The following XPC variants were observed in gnomAD, a reference collection of about 807,000 sequenced individuals.
The protein encoded by XPC is XPC complex subunit, DNA damage recognition and repair factor.
A neutral mutation model predicts 95.8 loss-of-function variants in XPC; 76 were observed. That is an observed-to-expected ratio of 0.79 (90% CI 0.66 to 0.96). The LOEUF (loss-of-function observed/expected upper bound fraction) is 0.96, where lower values mean the gene tolerates loss of function less well. Among genes scored for constraint, XPC ranks in the 40% least tolerant of loss-of-function variants. XPC has a pLI of 0.00. For missense variants in XPC, 1,146 were observed against 1,179.8 expected (o/e 0.97, Z 0.42); for synonymous variants, 442 against 442.1 (o/e 1.00, Z 0.00).
At chr3:14,170,862 T>C (rs1446921047) in intron 2 of XPC, among the ~76,000 whole-genome samples, 1 of 152,152 alleles carries the variant, frequency 6.6e-6, no homozygotes, top group Non-Finnish European at 1.5e-5. Context: ...AAAATAATAA[T>C]GAGTTCCAGA....
chr3:14,176,523 A>G (rs1328562418), intron 1 of XPC, among the ~76,000 whole-genome samples: 3 of 152,090 alleles, frequency 2.0e-5, no homozygotes, highest in Admixed American at 6.5e-5. Context: ...TTTATCTCTC[A>G]TGTCACCTCA....
rs543834854 is a variant in XPC at position 14,173,091 on chromosome 3, G to A, written c.104-29C>T. On this transcript the variant is annotated intron_variant, in intron 1 of 15. Coordinates refer to ENST00000285021, the MANE Select transcript of XPC (RefSeq NM_004628.5). ...GGTGACAACACAGAACATAAGGTGAGGGGTGGAAGGAAAGGTGGAGGCAGT... is the reference window on the plus strand; with the variant it reads ...GGTGACAACACAGAACATAAGGTGAAGGGTGGAAGGAAAGGTGGAGGCAGT... The A allele has an allele frequency of 3.9e-5, 58 of 1,501,644 alleles. No individual in the cohort carries two copies. In the Admixed American group the frequency reaches 1.2e-3, roughly 32 times the overall value. 93.0% of individuals were successfully genotyped at this position (1,501,644 alleles called of 1,614,324 possible).
At chr3:14,154,528 G>A (rs1051602429) in intron 10 of XPC, among the ~76,000 whole-genome samples, 1 of 152,134 alleles carries the variant, frequency 6.6e-6, no homozygotes, top group Non-Finnish European at 1.5e-5. Flanking sequence ...TATGCTAAGT[G>A]AAATAAGCCA....
At position 14,168,461 on chromosome 3, in the gene XPC, C is replaced by A; in HGVS notation, c.413-81G>T. On this transcript the variant is annotated intron_variant, in intron 3 of 15. Coordinates refer to ENST00000285021, the MANE Select transcript of XPC (RefSeq NM_004628.5). ...TGTACTGAACAGAATCAAGGTTCTG[C>A]TGGGAAGGAGGAAGTGAGGCATGAA... The A allele has an allele frequency of 1.9e-6, 3 of 1,553,586 alleles. No individual in the cohort carries two copies. The South Asian group carries it at 3.5e-5, about 18-fold the overall frequency.
At position 14,146,076 on chromosome 3, in the gene XPC, C is replaced by A; in HGVS notation, c.2688G>T (p.Ala896=). 3 of 1,612,446 alleles carry A rather than the reference C, an allele frequency of 1.9e-6. No individual in the cohort carries two copies. Among genetic ancestry groups the A allele is most frequent in the Non-Finnish European group, 2.5e-6 (3 of 1,179,480 alleles). The part of the protein sequence containing the change: ...EEEGTSSQAE[A]ARILAASWPQ... Reference sequence around the variant, plus strand: ...GCCAGGAGGCAGCCAGTATCCTGGCCGCTTCTGCTTGAGAGCTGGTCCCCT... The same window carrying A: ...GCCAGGAGGCAGCCAGTATCCTGGCAGCTTCTGCTTGAGAGCTGGTCCCCT... The change falls in exon 16 of 16, where the codon GCG becomes GCT. Residue 896 remains alanine, a synonymous_variant. Transcript: ENST00000285021.
At chr3:14,146,200 A>C in intron 15 of XPC, 41 bp from the exon 16 acceptor site, 1 of 1,542,308 alleles carries the variant, frequency 6.5e-7, no homozygotes, top group Non-Finnish European at 8.8e-7. Flanking sequence ...GGCGAGGGTT[A>C]GTAATCAGAT....
At chr3:14,149,603 G>C (rs1272219631) in intron 11 of XPC, 1 of 152,064 alleles carries the variant, frequency 6.6e-6, no homozygotes, top group Non-Finnish European at 1.5e-5. Context: ...GGGACTACAG[G>C]TACCCGCCAC....
Position 14,165,409 on chromosome 3 carries a change from G to T in XPC, c.779+19C>A. 6.4e-7 allele frequency: 1 copy of T among 1,570,492 alleles called. No homozygotes were observed. Among genetic ancestry groups the T allele is most frequent in the Non-Finnish European group, 8.7e-7 (1 of 1,155,358 alleles). On this transcript the variant is annotated intron_variant, in intron 6 of 15. Transcript: ENST00000285021. ...AATCCTACACTCCCCAGCTCTGCAG[G>T]ACAAGCGGAGGGCCTTACCACTTCA... is the stretch of plus-strand genomic sequence containing the variant.
chr3:14,148,666 G>C lies in XPC; in HGVS notation c.2316C>G (p.Val772=). Residue 772 remains valine, a synonymous_variant, in exon 13 of 16, where the codon GTC becomes GTG. Transcript: ENST00000285021. The stretch of plus-strand genomic sequence containing the variant: ...GGTGTAGATTGGGCAGGTTCAGCTG[G>C]ACACAGCCAATAGGCATCATGCTGG... The part of the protein sequence containing the change: ...FLPSMMPIGC[V]QLNLPNLHRV... 2 of 1,613,532 alleles carry C rather than the reference G, an allele frequency of 1.2e-6. No individual in the cohort carries two copies. Among genetic ancestry groups the C allele is most frequent in the Non-Finnish European group, 1.7e-6 (2 of 1,179,752 alleles).
Position 14,167,125 on chromosome 3 carries a change from G to C in XPC, c.621+44C>G, listed in dbSNP as rs3729587. On this transcript the variant is annotated intron_variant, in intron 5 of 15. Coordinates refer to ENST00000285021, the MANE Select transcript of XPC (RefSeq NM_004628.5). ...AAGCCTCGGTGAGCACAAGCTCTTT[G>C]CACCGACAAGGAAAAGTCCTTCCCC... is the stretch of plus-strand genomic sequence containing the variant. 0.29 allele frequency: 431,498 copies of C among 1,501,174 alleles called. 65,015 individuals carry two copies. The highest frequency in any genetic ancestry group is 0.51 in the African/African-American group (35,975 of 71,096). 93.0% of individuals were successfully genotyped at this position (1,501,174 alleles called of 1,614,324 possible).
At chr3:14,157,501 C>T (rs1435112981) in intron 9 of XPC, among the ~76,000 whole-genome samples, 1 of 152,116 alleles carries the variant, frequency 6.6e-6, no homozygotes, top group Non-Finnish European at 1.5e-5. Flanking sequence ...AAGTCTCTGC[C>T]TCCCGGTCTG....
chr3:14,145,298 T>C lies in XPC; in HGVS notation c.*643A>G, dbSNP rs937645631. The C allele has an allele frequency of 4.3e-6, 3 of 697,734 alleles. No homozygotes were observed. The African/African-American group carries it at 5.3e-5, about 12-fold the overall frequency. 43.2% of individuals were successfully genotyped at this position (697,734 alleles called of 1,614,324 possible). Reference sequence around the variant, plus strand: ...ATTTCCTTAATTTTCAATTCGTATTTTTCCTTTTCTTTCCTGATTTTAGCT... The same window carrying C: ...ATTTCCTTAATTTTCAATTCGTATTCTTCCTTTTCTTTCCTGATTTTAGCT... On this transcript the variant is annotated 3_prime_UTR_variant, in exon 16 of 16. Coordinates refer to ENST00000285021, the MANE Select transcript of XPC (RefSeq NM_004628.5).
At chr3:14,165,667 T>C (rs547949468) in intron 5 of XPC, 82 bp from the exon 6 acceptor site, 4 of 1,518,328 alleles carry the variant, frequency 2.6e-6, no homozygotes, top group East Asian at 2.3e-5. Context: ...AGTCAAGACA[T>C]GCTGTGGACA....
At chr3:14,160,202 T>G (rs1696113229) in intron 7 of XPC, among the ~76,000 whole-genome samples, 1 of 152,178 alleles carries the variant, frequency 6.6e-6, no homozygotes, top group Non-Finnish European at 1.5e-5. Flanking sequence ...TTACCTACCT[T>G]CTGATTGTTC....
chr3:14,148,980 CA>C, intron 11 of XPC, 32 bp from the exon 12 acceptor site: 1 of 1,611,598 alleles, frequency 6.2e-7, no homozygotes, highest in Non-Finnish European at 8.5e-7. Flanking sequence ...CCGTTTACAA[CA>C]AAGGCATCCA....
At position 14,145,521 on chromosome 3, in the gene XPC, T is replaced by C. The variant is rs1695382978; in HGVS notation, c.*420A>G. 5 of 699,926 alleles carry C rather than the reference T, an allele frequency of 7.1e-6. No individual in the cohort carries two copies. Among genetic ancestry groups the C allele is most frequent in the African/African-American group, 1.8e-5 (1 of 57,142 alleles). 43.4% of individuals were successfully genotyped at this position (699,926 alleles called of 1,614,324 possible). On this transcript the variant is annotated 3_prime_UTR_variant, in exon 16 of 16. Transcript: ENST00000285021. ...GAGGCGAGTGAACTTGTCGGACAGA[T>C]GAAGACTCTAACTGGAAGAAACGAT...
intron 1 of XPC, among the ~76,000 whole-genome samples, chr3:14,176,365 C>T (rs921657320): frequency 6.6e-5 from 10 of 152,182 alleles, no homozygotes; most frequent in Non-Finnish European, 1.3e-4. Context: ...CTTCAGAGAG[C>T]GTTCCCCGAT....
At chr3:14,176,952 T>C (rs901132264) in intron 1 of XPC, among the ~76,000 whole-genome samples, 4 of 152,146 alleles carry the variant, frequency 2.6e-5, no homozygotes, top group African/African-American at 7.2e-5. Flanking sequence ...ATACAAAAAT[T>C]AGCCGGACAT....
intron 6 of XPC, 25 bp from the exon 7 acceptor site, chr3:14,164,958 G>A (rs1696316244): frequency 6.2e-6 from 10 of 1,600,378 alleles, no homozygotes; most frequent in Non-Finnish European, 8.5e-6. Flanking sequence ...GGCATTCCTT[G>A]TGTCAGAGGT....
Sources: allele counts gnomAD v4.1 joint callset (sites outside exome capture counted in the v4.1 genomes callset), GRCh38; gene constraint gnomAD v4.1.1; transcripts MANE v1.5; gene names NCBI Gene and HGNC (gene_info 2026-07-23, HGNC 2026-07-21).